The following MCCC1 variants were observed in gnomAD, a reference collection of about 807,000 sequenced individuals.
MCCC1 encodes methylcrotonyl-CoA carboxylase subunit 1, also known as methylcrotonoyl-CoA carboxylase subunit alpha, mitochondrial.
Under a neutral mutation model 83.8 loss-of-function variants are expected in MCCC1, and 64 were observed. The ratio of observed to expected loss-of-function variants is 0.76; its 90% CI spans 0.62 to 0.94. MCCC1 has a LOEUF of 0.94. Among genes scored for constraint, MCCC1 ranks in the 40% least tolerant of loss-of-function variants. The pLI, the probability that MCCC1 is intolerant of heterozygous loss-of-function variation, is 0.00. For synonymous variants in MCCC1, 322 were observed against 315.4 expected (o/e 1.02, Z -0.22); for missense variants, 807 against 904.7 (o/e 0.89, Z 1.39).
At chr3:183,108,492 T>C (rs2108585445) in intron 1 of MCCC1, among the ~76,000 whole-genome samples, 1 of 152,330 alleles carries the variant, frequency 6.6e-6, no homozygotes, top group Non-Finnish European at 1.5e-5. Context: ...TCCATATGGT[T>C]TTGTCTCCGA....
chr3:183,078,654 T>C (rs1331131738), intron 4 of MCCC1, among the ~76,000 whole-genome samples: 1 of 152,256 alleles, frequency 6.6e-6, no homozygotes, highest in Non-Finnish European at 1.5e-5. Context: ...ACTGTTTCCT[T>C]AATTTCATTT....
At chr3:183,107,530 A>ATTG (rs1362437725) in intron 1 of MCCC1, among the ~76,000 whole-genome samples, 15 of 150,544 alleles carry the variant, frequency 1.0e-4, no homozygotes, top group African/African-American at 2.9e-4. Context: ...TATTATTATT[A>ATTG]TTATTTGTTG....
chr3:183,063,533 T>G (rs551960758), intron 7 of MCCC1, among the ~76,000 whole-genome samples: 1 of 152,186 alleles, frequency 6.6e-6, no homozygotes, highest in Non-Finnish European at 1.5e-5. Context: ...ACATAAAGAA[T>G]ACACAGTATG....
chr3:183,029,821 C>T (rs1490926521), intron 14 of MCCC1, among the ~76,000 whole-genome samples: 2 of 152,178 alleles, frequency 1.3e-5, no homozygotes, highest in African/African-American at 2.4e-5. Context: ...GGCCCCACTG[C>T]CTCAGGCCTG....
At chr3:183,059,840 G>C (rs1352325677) in intron 7 of MCCC1, among the ~76,000 whole-genome samples, 1 of 152,118 alleles carries the variant, frequency 6.6e-6, no homozygotes, top group African/African-American at 2.4e-5. Flanking sequence ...TTCTTGCATG[G>C]TTTCTGATAA....
At chr3:183,058,543 G>A (rs995051317) in intron 7 of MCCC1, among the ~76,000 whole-genome samples, 1 of 152,116 alleles carries the variant, frequency 6.6e-6, no homozygotes, top group Non-Finnish European at 1.5e-5. Flanking sequence ...GATTCCTCAA[G>A]CCCAGGAATT....
upstream of MCCC1, among the ~76,000 whole-genome samples, chr3:183,102,787 T>G (rs1431529304): frequency 5.4e-5 from 6 of 111,812 alleles, no homozygotes; most frequent in Non-Finnish European, 8.7e-5. Context: ...TTTTTTTTTT[T>G]TTTTTTTTTT....
intron 14 of MCCC1, 67 bp downstream of exon 14, chr3:183,033,924 C>T (rs1713292523): frequency 2.4e-6 from 3 of 1,274,704 alleles, no homozygotes; most frequent in Admixed American, 1.7e-5. Context: ...GGCTGGAATC[C>T]TCTTTTTCAG....
chr3:183,015,513 T>C lies in MCCC1; in HGVS notation c.2103A>G (p.Glu701=), dbSNP rs768062787. Reference sequence around the variant, plus strand: ...GAGTGTGTCTGTTGGCCTGAGCACCTTCTCTGTAGAACACTTTCTTTACTG... The same window carrying C: ...GAGTGTGTCTGTTGGCCTGAGCACCCTCTCTGTAGAACACTTTCTTTACTG... ...DGTVKKVFYR[E]GAQANRHTPL... Residue 701 remains glutamate (E), a synonymous_variant, in exon 19 of 19, where the codon GAA becomes GAG. Coordinates refer to ENST00000265594, the MANE Select transcript of MCCC1 (RefSeq NM_020166.5). The C allele has an allele frequency of 1.9e-6, 3 of 1,614,144 alleles. No homozygotes were observed. In the South Asian group the frequency reaches 3.3e-5, roughly 18 times the overall value.
intron 1 of MCCC1, among the ~76,000 whole-genome samples, chr3:183,111,266 G>T (rs1230705494): frequency 6.6e-6 from 1 of 152,078 alleles, no homozygotes; most frequent in Non-Finnish European, 1.5e-5. Context: ...ACCTTACAGG[G>T]TCATTGTGAA....
chr3:183,048,368 C>T (rs1714709827), intron 9 of MCCC1, among the ~76,000 whole-genome samples: 1 of 152,040 alleles, frequency 6.6e-6, no homozygotes, highest in African/African-American at 2.4e-5. Flanking sequence ...AAACAAAAGA[C>T]AAATATATGT....
chr3:183,041,019 T>G (rs1714037577), intron 11 of MCCC1, among the ~76,000 whole-genome samples: 1 of 152,150 alleles, frequency 6.6e-6, no homozygotes, highest in Non-Finnish European at 1.5e-5. Context: ...ACAGGGTACT[T>G]CTCATGGTGA....
At chr3:183,063,887 G>A (rs982661100) in intron 7 of MCCC1, among the ~76,000 whole-genome samples, 6 of 152,074 alleles carry the variant, frequency 3.9e-5, no homozygotes, top group African/African-American at 1.4e-4. Flanking sequence ...GGGTAAGCGG[G>A]GTGCATACAC....
upstream of MCCC1, among the ~76,000 whole-genome samples, chr3:183,101,227 AC>A (rs1304791752): frequency 7.9e-5 from 12 of 152,206 alleles, no homozygotes; most frequent in Admixed American, 2.6e-4. Flanking sequence ...GATGAGCGCC[AC>A]CCCCTGCTCC....
At chr3:183,051,113 T>C (rs1266174330) in intron 9 of MCCC1, among the ~76,000 whole-genome samples, 1 of 152,172 alleles carries the variant, frequency 6.6e-6, no homozygotes, top group Non-Finnish European at 1.5e-5. Flanking sequence ...AGTTTGTCAG[T>C]TTCTTCCAAA....
intron 9 of MCCC1, among the ~76,000 whole-genome samples, chr3:183,049,311 A>C (rs2108492202): frequency 6.6e-6 from 1 of 152,234 alleles, no homozygotes; most frequent in African/African-American, 2.4e-5. Context: ...TTCCTTGAAA[A>C]GATCAATAAA....
chr3:183,071,860 C>A (rs1266882805), intron 5 of MCCC1, among the ~76,000 whole-genome samples: 1 of 132,838 alleles, frequency 7.5e-6, no homozygotes, highest in Admixed American at 9.2e-5. Flanking sequence ...TGTCACCATA[C>A]CCAGCTGAAT....
In MCCC1 at chr3:183,092,027, G is replaced by C. The variant is rs148064156; in HGVS notation, c.273+382C>G. Among the ~76,000 whole-genome samples the C allele has an allele frequency of 1.1e-3, 167 of 151,626 alleles. 2 individuals are homozygous for C. The East Asian group carries it at 0.03, about 27-fold the overall frequency. On this transcript the variant is annotated intron_variant, in intron 3 of 18. Coordinates refer to ENST00000265594, the MANE Select transcript of MCCC1 (RefSeq NM_020166.5). Reference sequence around the variant, plus strand: ...GGATTGTGCCACTGCTCTCCAGCCTGGGCAACAGAGCGAGACTCAATCTCA... The same window carrying C: ...GGATTGTGCCACTGCTCTCCAGCCTCGGCAACAGAGCGAGACTCAATCTCA...
intron 1 of MCCC1, among the ~76,000 whole-genome samples, 156 bp from the exon 2 acceptor site, chr3:183,094,761 C>T (rs1024509074): frequency 6.6e-6 from 1 of 152,166 alleles, no homozygotes; most frequent in Non-Finnish European, 1.5e-5. Flanking sequence ...ATCTAGAACT[C>T]AAGAGTTAGA....
Sources: gnomAD v4.1 joint callset for allele counts (sites outside exome capture counted in the v4.1 genomes callset) on GRCh38, gnomAD v4.1.1 for gene constraint, MANE v1.5 for transcripts, NCBI Gene and HGNC (gene_info 2026-07-23, HGNC 2026-07-21) for gene names.